The following TRIM64C variants were observed in gnomAD, a reference collection of about 807,000 sequenced individuals.
The protein encoded by TRIM64C is tripartite motif containing 64C, also known as tripartite motif-containing protein 64C.
A neutral mutation model predicts 36.1 loss-of-function variants in TRIM64C; 25 were observed. The ratio of observed to expected loss-of-function variants is 0.69; its 90% CI spans 0.51 to 0.97. The LOEUF (loss-of-function observed/expected upper bound fraction) is 0.97. Among genes scored for constraint, TRIM64C ranks in the 50% least tolerant of loss-of-function variants. TRIM64C has a pLI of 0.00. For synonymous variants in TRIM64C, 212 were observed against 185.7 expected, an observed-to-expected ratio of 1.14 and a Z score of -1.15; for missense variants, 489 against 536.8, an observed-to-expected ratio of 0.91 and a Z score of 0.88.
Position 49,058,139 on chromosome 11 carries a change from T to G in TRIM64C, c.446A>C (p.Lys149Thr). The change falls in exon 2 of 6, where the codon AAA becomes ACA. Residue 149 changes from lysine (K) to threonine (T), a missense_variant. Coordinates refer to ENST00000617704, the MANE Select transcript of TRIM64C (RefSeq NM_001206631.1). ...KLIKEMDYLW[K>T]INQETQNNLN... is the part of the protein sequence containing the mutation. ...ATTGTTTTGTGTCTCTTGATTGATT[T>G]TCCATAAATAGTCCATTTCCTTTAT... 1 of 1,529,988 alleles carries G rather than the reference T, an allele frequency of 6.5e-7. No homozygotes were observed. The highest frequency in any genetic ancestry group is 8.7e-7 in the Non-Finnish European group (1 of 1,144,674). 94.8% of individuals were successfully genotyped at this position (1,529,988 alleles called of 1,614,324 possible).
chr11:49,055,896 T>C (rs1023318342), intron 4 of TRIM64C, among the ~76,000 whole-genome samples: 13 of 152,148 alleles, frequency 8.5e-5, no homozygotes, highest in Admixed American at 2.6e-4. Flanking sequence ...GAGGCAACCA[T>C]TTTCCTGAGG....
intron 4 of TRIM64C, 115 bp from the exon 5 acceptor site, chr11:49,055,522 TTAACTGGA>T: frequency 7.3e-7 from 1 of 1,364,786 alleles, no homozygotes; most frequent in East Asian, 2.5e-5. Flanking sequence ...CCGGTTTTGG[TTAACTGGA>T]TGTACATTTT....
Position 49,057,905 on chromosome 11 carries a change from G to T in TRIM64C, c.507+173C>A, listed in dbSNP as rs146808127. 1,226 of 547,924 alleles carry T rather than the reference G, an allele frequency of 2.2e-3. 42 individuals carry two copies. Among genetic ancestry groups the T allele is most frequent in the African/African-American group, 0.022 (1,137 of 51,296 alleles). 33.9% of individuals were successfully genotyped at this position (547,924 alleles called of 1,614,324 possible). On this transcript the variant is annotated intron_variant, in intron 2 of 5. Transcript: ENST00000617704. Reference sequence around the variant, plus strand: ...TATCCAATATACTAGAATTAATTTGGCTAGCTTGTGTGGGCTTCTCTGTTT... The same window carrying T: ...TATCCAATATACTAGAATTAATTTGTCTAGCTTGTGTGGGCTTCTCTGTTT...
chr11:49,055,558 C>A (rs1270323196), intron 4 of TRIM64C, among the ~76,000 whole-genome samples, 151 bp from the exon 5 acceptor site: 6 of 152,298 alleles, frequency 3.9e-5, no homozygotes, highest in East Asian at 1.9e-4. Flanking sequence ...ACTCTAGGGG[C>A]CATAAGGATG....
At chr11:49,057,999 A>T in intron 2 of TRIM64C, 79 bp downstream of exon 2, 1 of 916,364 alleles carries the variant, frequency 1.1e-6, no homozygotes, top group Non-Finnish European at 1.6e-6. Flanking sequence ...TTTAACTGGT[A>T]GTTTGAATTT....
intron 5 of TRIM64C, 138 bp from the exon 6 acceptor site, chr11:49,054,345 T>C: frequency 1.1e-6 from 1 of 943,964 alleles, no homozygotes; most frequent in South Asian, 1.8e-5. Context: ...CATGCATCCA[T>C]GAAGATGAAA....
Position 49,055,396 on chromosome 11 carries a change from G to T in TRIM64C, c.773C>A (p.Ala258Glu), listed in dbSNP as rs1295409641. The T allele has an allele frequency of 6.6e-7, 1 of 1,504,164 alleles. No individual in the cohort carries two copies. Among genetic ancestry groups the T allele is most frequent in the East Asian group, 2.5e-5 (1 of 40,162 alleles). The allele number at this position is 1,504,164 out of a possible 1,614,324, so 93.2% of individuals were successfully genotyped here. The stretch of plus-strand genomic sequence containing the variant: ...CACTGGCTGGGGCTTTGGCATCTGT[G>T]CCAAATCAGTTCTGCAAAAAAAAAA... The part of the protein sequence containing the change: ...VGNISARTDL[A>E]QMPKPQPVNP... The change falls in exon 5 of 6, where the codon GCA (alanine) becomes GAA (glutamate). Residue 258 changes from alanine (A) to glutamate (E), a missense_variant. Ala to Glu is a moderately radical substitution (Grantham distance 107, BLOSUM62 -1). Coordinates refer to ENST00000617704, the MANE Select transcript of TRIM64C (RefSeq NM_001206631.1).
At chr11:49,055,232 G>A (rs530832440) in intron 5 of TRIM64C, 78 bp downstream of exon 5, 81 of 1,516,152 alleles carry the variant, frequency 5.3e-5, no homozygotes, top group Non-Finnish European at 7.0e-5. Context: ...CTAATAAAAC[G>A]TAAATGGGAG....
At chr11:49,057,115 T>A in intron 3 of TRIM64C, 33 bp downstream of exon 3, 1 of 1,548,858 alleles carries the variant, frequency 6.5e-7, no homozygotes, top group South Asian at 1.2e-5. Context: ...AGCAAAGGCT[T>A]CCTGTCTCTG....
chr11:49,057,073 G>T, intron 3 of TRIM64C, 75 bp downstream of exon 3: 1 of 1,511,792 alleles, frequency 6.6e-7, no homozygotes, highest in African/African-American at 1.4e-5. Context: ...GACATATGCT[G>T]ATGACATTTG....
At position 49,054,064 on chromosome 11, in the gene TRIM64C, C is replaced by T. The variant is rs1565097417; in HGVS notation, c.1003G>A (p.Ala335Thr). 5.8e-6 allele frequency: 9 copies of T among 1,551,570 alleles called. No individual in the cohort carries two copies. The highest frequency in any genetic ancestry group is 7.8e-6 in the Non-Finnish European group (9 of 1,146,842). Residue 335 changes from alanine (A) to threonine (T), a missense_variant, in exon 6 of 6, where the codon GCA becomes ACA. Transcript: ENST00000617704. ...CAGTAATGCTTGCCGGAGGTGAATG[C>T]TTGCGCACACCACACAGCAAAGCTC... The part of the protein sequence containing the change: ...VESFAVWCAQ[A>T]FTSGKHYWEV...
At chr11:49,058,647 C>T (rs1854842814) in intron 1 of TRIM64C, 54 bp downstream of exon 1, 1 of 1,534,276 alleles carries the variant, frequency 6.5e-7, no homozygotes, top group Non-Finnish European at 8.7e-7. Context: ...ATCACAGGCC[C>T]TCATCATTCT....
rs577580767 is a variant in TRIM64C at position 49,053,742 on chromosome 11, C to T, written c.1325G>A (p.Arg442Lys). Residue 442 changes from arginine to lysine, a missense_variant, in exon 6 of 6, where the codon AGG (arginine) becomes AAG (lysine). Coordinates refer to ENST00000617704, the MANE Select transcript of TRIM64C (RefSeq NM_001206631.1). Reference protein sequence around the residue: ...FPPSSFSSPLRPFFCFGCT With the variant: ...FPPSSFSSPLKPFFCFGCT ...TGTACAACCAAAGCAAAAGAAAGGC[C>T]TCAGAGGGGAAGAGAAGGAGGAAGG... The T allele has an allele frequency of 4.5e-6, 7 of 1,550,326 alleles. No homozygotes were observed. Among genetic ancestry groups the T allele is most frequent in the Non-Finnish European group, 6.1e-6 (7 of 1,146,826 alleles).
At chr11:49,057,952 G>C in intron 2 of TRIM64C, 126 bp downstream of exon 2, 1 of 659,918 alleles carries the variant, frequency 1.5e-6, no homozygotes, top group Non-Finnish European at 2.5e-6. Context: ...TATATCAATT[G>C]AAATCACTAC....
intron 4 of TRIM64C, among the ~76,000 whole-genome samples, chr11:49,055,678 A>T (rs1366035177): frequency 1.3e-5 from 2 of 152,184 alleles, no homozygotes; most frequent in African/African-American, 4.8e-5. Context: ...CCCTCTGCCC[A>T]TCACACCCCC....
chr11:49,057,975 T>C (rs1854833135), intron 2 of TRIM64C, 103 bp downstream of exon 2: 2 of 771,614 alleles, frequency 2.6e-6, no homozygotes, highest in Non-Finnish European at 4.1e-6. Flanking sequence ...TTTCTTGAGG[T>C]GAAATCACTA....
At chr11:49,057,839 G>T (rs1854831801) in intron 2 of TRIM64C, 2 of 511,762 alleles carry the variant, frequency 3.9e-6, no homozygotes, top group Non-Finnish European at 7.1e-6. Context: ...AAAGGTTTAT[G>T]CCAACCTTCA....
At chr11:49,057,859 T>G in intron 2 of TRIM64C, 1 of 521,212 alleles carries the variant, frequency 1.9e-6, no homozygotes, top group Admixed American at 3.2e-5. Context: ...AAATTTGAAC[T>G]AGAATACACA....
chr11:49,058,263 T>C, intron 1 of TRIM64C, 91 bp from the exon 2 acceptor site: 1 of 921,164 alleles, frequency 1.1e-6, no homozygotes, highest in Non-Finnish European at 1.6e-6. Context: ...GAAAGAAACA[T>C]AAATTAAGTT....
Sources: allele counts gnomAD v4.1 joint callset (sites outside exome capture counted in the v4.1 genomes callset), GRCh38; gene constraint gnomAD v4.1.1; transcripts MANE v1.5; gene names NCBI Gene and HGNC (gene_info 2026-07-23, HGNC 2026-07-21).